PPFIA2: variants seen among roughly 807,000 people sequenced by gnomAD.
PPFIA2 encodes liprin-alpha-2.
PPFIA2 carries 46 observed loss-of-function variants against 175.5 expected under a neutral mutation model. That is an observed-to-expected ratio of 0.26 (90% confidence interval 0.21 to 0.34). The LOEUF is 0.34. PPFIA2 is among the 10% of genes least tolerant of loss of function. The pLI, the probability that PPFIA2 is intolerant of heterozygous loss-of-function variation, is 1.00. For missense variants in PPFIA2, 1,179 were observed against 1,506.1 expected, an observed-to-expected ratio of 0.78 and a Z score of 3.60; for synonymous variants, 568 against 511.4, an observed-to-expected ratio of 1.11 and a Z score of -1.49.
intron 4 of PPFIA2, among the ~76,000 whole-genome samples, chr12:81,526,629 T>C (rs1224527874): frequency 6.6e-6 from 1 of 152,222 alleles, no homozygotes; most frequent in Admixed American, 6.5e-5. Context: ...TTACAGGATG[T>C]CAAATAGCTG....
At chr12:81,655,965 A>T (rs1384974305) in intron 4 of PPFIA2, among the ~76,000 whole-genome samples, 2 of 151,914 alleles carry the variant, frequency 1.3e-5, no homozygotes, top group East Asian at 3.9e-4. Flanking sequence ...AACATTAAAA[A>T]TTTTTCTACC....
chr12:81,295,557 T>C (rs1054039038), intron 23 of PPFIA2, among the ~76,000 whole-genome samples: 1 of 152,188 alleles, frequency 6.6e-6, no homozygotes, highest in Non-Finnish European at 1.5e-5. Flanking sequence ...TCCTACACCA[T>C]GTGAAAGATG....
intron 3 of PPFIA2, among the ~76,000 whole-genome samples, chr12:81,738,943 A>G (rs891117343): frequency 7.2e-5 from 11 of 151,938 alleles, no homozygotes; most frequent in Admixed American, 2.6e-4. Flanking sequence ...TATTACTACT[A>G]GTAATAAAAT....
chr12:81,362,841 T>C, intron 14 of PPFIA2, 57 bp from the exon 15 acceptor site: 2 of 1,009,648 alleles, frequency 2.0e-6, no homozygotes, highest in Non-Finnish European at 3.0e-6. Flanking sequence ...GCAATTATGA[T>C]AAATGAGTCT....
intron 7 of PPFIA2, among the ~76,000 whole-genome samples, chr12:81,414,074 G>C (rs1174956776): frequency 6.6e-6 from 1 of 151,544 alleles, no homozygotes; most frequent in Non-Finnish European, 1.5e-5. Context: ...TTTTACAAAT[G>C]AGGCAACTAA....
At chr12:81,530,903 G>A (rs896133382) in intron 4 of PPFIA2, among the ~76,000 whole-genome samples, 4 of 151,860 alleles carry the variant, frequency 2.6e-5, no homozygotes, top group Admixed American at 2.0e-4. Context: ...TTAGAATTGT[G>A]ACTTTAGGCA....
chr12:81,445,578 T>G lies in PPFIA2; in HGVS notation c.548A>C (p.His183Pro). 1 of 1,613,828 alleles carries G rather than the reference T, an allele frequency of 6.2e-7. No homozygotes were observed. The highest frequency in any genetic ancestry group is 8.5e-7 in the Non-Finnish European group (1 of 1,179,812). Residue 183 changes from histidine (H) to proline (P), a missense_variant, in exon 6 of 33, where the codon CAC (histidine) becomes CCC (proline). His to Pro is a moderately conservative substitution (Grantham distance 77). Around this residue, in one of 10 missense-constraint regions of PPFIA2, gnomAD observed 49 missense variants for 108.9 expected, o/e 0.45. Transcript: ENST00000549396. ...VLKALKSLFEHHKALDEKVRE... is the reference protein window; with the variant it reads ...VLKALKSLFEPHKALDEKVRE... ...TACCTTTTCATCCAAGGCCTTGTGGTGCTCAAACAAAGATTTCAGTGCCTT... is the reference window on the plus strand; with the variant it reads ...TACCTTTTCATCCAAGGCCTTGTGGGGCTCAAACAAAGATTTCAGTGCCTT...
At chr12:81,513,643 T>C (rs1399007719) in intron 4 of PPFIA2, among the ~76,000 whole-genome samples, 7 of 152,016 alleles carry the variant, frequency 4.6e-5, no homozygotes, top group Non-Finnish European at 8.8e-5. Context: ...ATGTTCACCA[T>C]ACTAAGAAAT....
In PPFIA2 at chr12:81,372,643, A is replaced by T. The variant is rs566123797; in HGVS notation, c.1266+1991T>A. On this transcript the variant is annotated intron_variant, in intron 11 of 32. Coordinates refer to ENST00000549396, the MANE Select transcript of PPFIA2 (RefSeq NM_003625.5). ...ATGAAAGAGTGATCCTCAAATGTTT[A>T]AAAAAAAAAAATGACAGGCAAAAGG... Among the ~76,000 whole-genome samples, 391 of 138,598 alleles carry T rather than the reference A, an allele frequency of 2.8e-3. 2 individuals carry two copies. The highest frequency in any genetic ancestry group is 0.01 in the African/African-American group (376 of 37,220). The allele number at this position is 138,598 out of a possible 152,430, so 90.9% of individuals were successfully genotyped here.
At chr12:81,493,652 G>T (rs1198144657) in intron 4 of PPFIA2, among the ~76,000 whole-genome samples, 1 of 150,892 alleles carries the variant, frequency 6.6e-6, no homozygotes, top group Non-Finnish European at 1.5e-5. Context: ...AAAACTTTTT[G>T]AATCACTTTG....
At chr12:81,289,408 C>T (rs2044308308) in intron 24 of PPFIA2, among the ~76,000 whole-genome samples, 1 of 151,794 alleles carries the variant, frequency 6.6e-6, no homozygotes, top group Non-Finnish European at 1.5e-5. Context: ...ACTGCACTTG[C>T]TTTTAAAATG....
chr12:81,520,908 T>C (rs747230700), intron 4 of PPFIA2, among the ~76,000 whole-genome samples: 1 of 152,176 alleles, frequency 6.6e-6, no homozygotes, highest in Non-Finnish European at 1.5e-5. Context: ...AGAGGGTTTG[T>C]TCCTATTAGA....
At chr12:81,521,145 T>G (rs553040445) in intron 4 of PPFIA2, among the ~76,000 whole-genome samples, 26 of 152,114 alleles carry the variant, frequency 1.7e-4, no homozygotes, top group African/African-American at 6.3e-4. Context: ...AACTCAATGA[T>G]TAGAGTCAAT....
chr12:81,536,750 A>G (rs911127690), intron 4 of PPFIA2, among the ~76,000 whole-genome samples: 1 of 139,006 alleles, frequency 7.2e-6, no homozygotes, highest in Non-Finnish European at 1.5e-5. Flanking sequence ...ATAAACATAT[A>G]TATATATATA....
chr12:81,642,589 T>C (rs1356011235), intron 4 of PPFIA2, among the ~76,000 whole-genome samples: 1 of 142,842 alleles, frequency 7.0e-6, no homozygotes, highest in South Asian at 2.1e-4. Context: ...AGTATAATAA[T>C]ATATGTAATA....
rs753639450 is a variant in PPFIA2, at chr12:81,384,227, A to G, written c.780T>C (p.Ser260=). ...KVHEKRLSNG[S]IDSTDETSQI... ...GACTAGTTTCATCGGTTGAGTCTAT[A>G]GAACCATTGGACAAACGCTGCAGAA... Residue 260 remains serine (S), a synonymous_variant, in exon 9 of 33, where the codon TCT becomes TCC. Transcript: ENST00000549396. 3.1e-6 allele frequency: 5 copies of G among 1,590,644 alleles called. No individual in the cohort carries two copies. The highest frequency in any genetic ancestry group is 4.3e-6 in the Non-Finnish European group (5 of 1,165,804).
At chr12:81,375,375 C>T (rs1470512891) in intron 10 of PPFIA2, among the ~76,000 whole-genome samples, 2 of 152,108 alleles carry the variant, frequency 1.3e-5, no homozygotes, top group Non-Finnish European at 1.5e-5. Flanking sequence ...TGTTTCTGCT[C>T]TAGAGCCCAA....
intron 8 of PPFIA2, among the ~76,000 whole-genome samples, chr12:81,392,636 C>T (rs554418016): frequency 6.6e-6 from 1 of 151,930 alleles, no homozygotes; most frequent in Non-Finnish European, 1.5e-5. Context: ...ATATATATTC[C>T]TAAAATTTTT....
rs200397092 is a variant in PPFIA2, at chr12:81,299,310, T to C, written c.2715A>G (p.Ala905=). The change falls in exon 23 of 33, where the codon GCA becomes GCG. Residue 905 remains alanine, a synonymous_variant. Transcript: ENST00000549396. The stretch of plus-strand genomic sequence containing the variant: ...AGTTTCATTCTCTTACCTCTAGCCA[T>C]GCGACCACAGTTGGCCCATCCCACT... The part of the protein sequence containing the change: ...FAQWDGPTVV[A]WLELWLGMPA... 9 of 1,593,860 alleles carry C rather than the reference T, an allele frequency of 5.6e-6. No homozygotes were observed. The highest frequency in any genetic ancestry group is 2.3e-5 in the South Asian group (2 of 87,356).
Sources: gnomAD v4.1 joint callset for allele counts (sites outside exome capture counted in the v4.1 genomes callset) on GRCh38, gnomAD v4.1.1 for gene constraint, gnomAD v4.1.1 regional missense constraint, MANE v1.5 for transcripts, NCBI Gene and HGNC (gene_info 2026-07-23, HGNC 2026-07-21) for gene names.